The following AIM2 variants were observed in gnomAD, a reference collection of about 807,000 sequenced individuals.
AIM2 encodes absent in melanoma 2.
In AIM2, 30 loss-of-function variants were observed where a neutral mutation model predicts 27.7. That is an observed-to-expected ratio of 1.08 (90% CI 0.81 to 1.47). The LOEUF (loss-of-function observed/expected upper bound fraction) is 1.47, where lower values mean the gene tolerates loss of function less well. Among genes scored for constraint, AIM2 ranks in the 40% most tolerant of loss-of-function variants. The pLI, the probability that AIM2 is intolerant of heterozygous loss-of-function variation, is 0.00. For missense variants in AIM2, 358 were observed against 411.3 expected (o/e 0.87, Z 1.12); for synonymous variants, 141 against 145.3 (o/e 0.97, Z 0.21).
intron 2 of AIM2, among the ~76,000 whole-genome samples, chr1:159,068,964 C>T (rs1656238728): frequency 6.6e-6 from 1 of 151,990 alleles, no homozygotes; most frequent in South Asian, 2.1e-4. Context: ...CATAGGGAGA[C>T]CCTATCTTTA....
chr1:159,082,623 A>G (rs80033126), intron 1 of AIM2, among the ~76,000 whole-genome samples: 8,104 of 152,222 alleles, frequency 0.053, 546 homozygotes, highest in East Asian at 0.31. Context: ...CTCACATGGC[A>G]GAAGAGATGA....
chr1:159,126,898 G>A (rs1446453615), intron 1 of AIM2, among the ~76,000 whole-genome samples: 2 of 152,100 alleles, frequency 1.3e-5, no homozygotes, highest in East Asian at 3.9e-4. Flanking sequence ...TCACACCATG[G>A]AGCATTATCC....
chr1:159,062,001 A>C (rs1398125684), downstream of AIM2, among the ~76,000 whole-genome samples: 1 of 152,178 alleles, frequency 6.6e-6, no homozygotes, highest in Non-Finnish European at 1.5e-5. Context: ...TTTTGTATAA[A>C]GAGTGAGGAA....
chr1:159,089,668 C>A (rs999542219), intron 1 of AIM2, among the ~76,000 whole-genome samples: 1 of 152,140 alleles, frequency 6.6e-6, no homozygotes, highest in Non-Finnish European at 1.5e-5. Context: ...CTGCTTAGTT[C>A]TTTAAATTAT....
chr1:159,056,089 C>T, the AIM2 span, among the ~76,000 whole-genome samples: 1 of 152,140 alleles, frequency 6.6e-6, no homozygotes, highest in Non-Finnish European at 1.5e-5. Flanking sequence ...CATGGGAATC[C>T]TTATCATGGG....
upstream of AIM2, among the ~76,000 whole-genome samples, chr1:159,079,868 A>T (rs1412459080): frequency 6.6e-6 from 1 of 152,198 alleles, no homozygotes; most frequent in Non-Finnish European, 1.5e-5. Flanking sequence ...AAATCCTGGC[A>T]ACCACTGATC....
chr1:159,135,173 G>T (rs1647990531), intron 1 of AIM2, among the ~76,000 whole-genome samples: 1 of 152,160 alleles, frequency 6.6e-6, no homozygotes, highest in African/African-American at 2.4e-5. Flanking sequence ...ATAAGCATTT[G>T]TTGAGTGAGT....
At chr1:159,075,712 G>A (rs1656580777) in intron 1 of AIM2, among the ~76,000 whole-genome samples, 1 of 152,080 alleles carries the variant, frequency 6.6e-6, no homozygotes. Context: ...TGAAAAGTGT[G>A]CAAAAGATGT....
chr1:159,059,550 G>A (rs1655766101), downstream of AIM2, among the ~76,000 whole-genome samples: 2 of 152,072 alleles, frequency 1.3e-5, no homozygotes, highest in South Asian at 4.1e-4. Flanking sequence ...CTAAGAAAAA[G>A]GACTGTTTTA....
upstream of AIM2, among the ~76,000 whole-genome samples, chr1:159,079,222 T>C (rs1434983594): frequency 6.6e-6 from 1 of 152,086 alleles, no homozygotes; most frequent in Non-Finnish European, 1.5e-5. Context: ...TGCTAATACT[T>C]GTAAAAAATG....
At chr1:159,145,788 T>C (rs1400080337) in intron 1 of AIM2, among the ~76,000 whole-genome samples, 1 of 152,082 alleles carries the variant, frequency 6.6e-6, no homozygotes, top group Admixed American at 6.6e-5. Flanking sequence ...CACCCACCTC[T>C]GACAGATTCT....
the AIM2 span, among the ~76,000 whole-genome samples, chr1:159,055,495 T>G: frequency 6.6e-6 from 1 of 152,214 alleles, no homozygotes; most frequent in African/African-American, 2.4e-5. Context: ...CACCTTCTGG[T>G]GATGTGCATG....
At chr1:159,062,777 G>C in intron 5 of AIM2, 59 bp from the exon 6 acceptor site, 1 of 1,503,868 alleles carries the variant, frequency 6.6e-7, no homozygotes, top group Admixed American at 1.7e-5. Context: ...CCCCTCCACT[G>C]TTTGCAGTCA....
chr1:159,117,061 G>A (rs1156953893), intron 1 of AIM2, among the ~76,000 whole-genome samples: 1 of 152,170 alleles, frequency 6.6e-6, no homozygotes, highest in Non-Finnish European at 1.5e-5. Flanking sequence ...TGAGAAAAAT[G>A]AGTAAGTGGC....
intron 1 of AIM2, among the ~76,000 whole-genome samples, chr1:159,113,472 T>G (rs1003162833): frequency 2.0e-5 from 3 of 152,242 alleles, no homozygotes; most frequent in African/African-American, 7.2e-5. Flanking sequence ...TAATTCCTGA[T>G]GCAGCCAAAT....
intron 1 of AIM2, among the ~76,000 whole-genome samples, chr1:159,088,021 A>G (rs2102006140): frequency 6.6e-6 from 1 of 152,284 alleles, no homozygotes; most frequent in East Asian, 1.9e-4. Context: ...CATTTAACAA[A>G]GTAGATGAAG....
intron 1 of AIM2, among the ~76,000 whole-genome samples, chr1:159,074,726 A>G (rs1231322777): frequency 6.6e-6 from 1 of 152,178 alleles, no homozygotes; most frequent in Non-Finnish European, 1.5e-5. Flanking sequence ...GTAATTTCCA[A>G]TAGCAACAAA....
rs753955154 is a variant in AIM2, at chr1:159,066,327, A to G, written c.399T>C (p.Pro133=). The G allele has an allele frequency of 1.2e-6, 2 of 1,607,568 alleles. No homozygotes were observed. Among genetic ancestry groups the G allele is most frequent in the East Asian group, 2.2e-5 (1 of 44,832 alleles). The change falls in exon 4 of 6, where the codon CCT becomes CCC. Residue 133 remains proline, a splice_region_variant and synonymous_variant. Transcript: ENST00000368130. ...AAPKVSPHVK[P]EQKQMVAQQE... ...GCTGGGCCACCATCTGTTTCTGTTC[A>G]GGCTGAAGACAAGAGAAGAAAGATA...
At chr1:159,099,247 G>C (rs918874431) in intron 1 of AIM2, among the ~76,000 whole-genome samples, 1 of 152,184 alleles carries the variant, frequency 6.6e-6, no homozygotes, top group Non-Finnish European at 1.5e-5. Flanking sequence ...AGGAGACAAA[G>C]GGCAGGGACA....
Sources: allele counts gnomAD v4.1 joint callset (sites outside exome capture counted in the v4.1 genomes callset), GRCh38; gene constraint gnomAD v4.1.1; transcripts MANE v1.5; gene names NCBI Gene and HGNC (gene_info 2026-07-23, HGNC 2026-07-21).